Variants in RASGRF1 observed in about 807,000 individuals in gnomAD.
RASGRF1 encodes the protein ras-specific guanine nucleotide-releasing factor 1.
RASGRF1 carries 40 observed loss-of-function variants against 138.7 expected under a neutral mutation model. The observed-to-expected ratio is 0.29, with a 90% CI of 0.22 to 0.38. The LOEUF (loss-of-function observed/expected upper bound fraction) is 0.38. Ranked by LOEUF, RASGRF1 falls within the 10% of genes least tolerant of loss-of-function variation. The probability of loss-of-function intolerance (pLI) is 1.00; values close to 1 mark genes in which losing one functional copy is unlikely to be tolerated. For synonymous variants in RASGRF1, 614 were observed against 663.2 expected (o/e 0.93, Z 1.14); for missense variants, 1,108 against 1,650.4 (o/e 0.67, Z 5.69).
chr15:79,047,048 C>T lies in RASGRF1; in HGVS notation c.625-49G>A. The T allele has an allele frequency of 1.9e-6, 3 of 1,581,696 alleles. No homozygotes were observed. In the South Asian group the frequency reaches 3.3e-5, roughly 18 times the overall value. On this transcript the variant is annotated intron_variant, in intron 4 of 26. Transcript: ENST00000558480. Reference sequence around the variant, plus strand: ...GAGGCTCCTGTCAGGGAGTCTGGACCACTCCTGTCCTTCCAGGCTGTGAGC... The same window carrying T: ...GAGGCTCCTGTCAGGGAGTCTGGACTACTCCTGTCCTTCCAGGCTGTGAGC...
chr15:78,986,971 G>C (rs1417482880), intron 22 of RASGRF1, among the ~76,000 whole-genome samples: 1 of 152,182 alleles, frequency 6.6e-6, no homozygotes, highest in South Asian at 2.1e-4. Context: ...TTATATAAAA[G>C]TTATACTAAT....
chr15:79,073,304 A>C lies in RASGRF1; in HGVS notation c.277-8778T>G, dbSNP rs533173937. Among the ~76,000 whole-genome samples, 1 of 152,080 alleles carries C rather than the reference A, an allele frequency of 6.6e-6. No homozygotes were observed. The highest frequency in any genetic ancestry group is 1.5e-5 in the Non-Finnish European group (1 of 68,002). Reference sequence around the variant, plus strand: ...GCCTGATAAGCCCATGGCTCTTTCTAAGGGCAGCTGGTTCCTGTGGGGAAG... The same window carrying C: ...GCCTGATAAGCCCATGGCTCTTTCTCAGGGCAGCTGGTTCCTGTGGGGAAG... On this transcript the variant is annotated intron_variant, in intron 1 of 26. Transcript: ENST00000558480. This position sits in a 1 kb window ranked among gnomAD's most constrained non-coding sequence, Gnocchi z 4.2.
chr15:79,016,010 A>C (rs2056873902), intron 12 of RASGRF1, among the ~76,000 whole-genome samples: 1 of 152,214 alleles, frequency 6.6e-6, no homozygotes. Flanking sequence ...CTCGGCCTCC[A>C]AAAATATTCA....
Position 78,971,872 on chromosome 15 carries a change from T to C in RASGRF1, c.3675A>G (p.Gln1225=), listed in dbSNP as rs761026619. The stretch of plus-strand genomic sequence containing the variant: ...AGGAAAAGGCACAGCTTACCTTTGC[T>C]TGGTGCTCTATTTTGTAGGCAGTTT... ...FQQTAYKIEH[Q]AKVTQYLLDQ... The change falls in exon 26 of 27, where the codon CAA becomes CAG. Residue 1225 remains glutamine (Q), a synonymous_variant. Coordinates refer to ENST00000558480, the MANE Select transcript of RASGRF1 (RefSeq NM_001145648.3). The C allele has an allele frequency of 5.7e-6, 9 of 1,578,496 alleles. No homozygotes were observed. Among genetic ancestry groups the C allele is most frequent in the Non-Finnish European group, 7.8e-6 (9 of 1,147,694 alleles).
At chr15:79,053,781 T>C (rs2057467326) in intron 3 of RASGRF1, among the ~76,000 whole-genome samples, 1 of 152,246 alleles carries the variant, frequency 6.6e-6, no homozygotes, top group Admixed American at 6.5e-5. Context: ...ATGTGTGGCC[T>C]GCGCACTCGC....
intron 1 of RASGRF1, among the ~76,000 whole-genome samples, chr15:79,086,584 C>T (rs563409021): frequency 1.3e-5 from 2 of 151,780 alleles, no homozygotes; most frequent in African/African-American, 4.8e-5. Context: ...GACCCCCCCC[C>T]CCCAGCTTCT....
At position 79,090,534 on chromosome 15, in the gene RASGRF1, ATCT is replaced by A. The variant is rs777422994; in HGVS notation, c.-39_-37del. ...GGCCAGCGAGACCCCACGCGCTTAC[ATCT>A]TCTCCGCGCAGCAGCCCCCCGTCCG... On this transcript the variant is annotated 5_prime_UTR_variant, in exon 1 of 27. The change creates a new upstream start codon in the 5' untranslated region. Coordinates refer to ENST00000558480, the MANE Select transcript of RASGRF1 (RefSeq NM_001145648.3). The A allele has an allele frequency of 2.4e-5, 38 of 1,596,512 alleles. No homozygotes were observed. Among genetic ancestry groups the A allele is most frequent in the East Asian group, 4.5e-5 (2 of 44,562 alleles).
chr15:79,033,180 C>T (rs928108202), intron 6 of RASGRF1, among the ~76,000 whole-genome samples: 1 of 152,218 alleles, frequency 6.6e-6, no homozygotes, highest in Non-Finnish European at 1.5e-5. Flanking sequence ...AACCAATCTC[C>T]CCAAATCTGC....
chr15:78,998,309 C>T (rs2056440214), intron 18 of RASGRF1, 101 bp from the exon 19 acceptor site: 5 of 1,017,306 alleles, frequency 4.9e-6, no homozygotes, highest in Non-Finnish European at 7.6e-6. Flanking sequence ...TTCTATTCTG[C>T]CCAGGGCAGG....
At chr15:79,058,776 G>C (rs976971887) in intron 2 of RASGRF1, among the ~76,000 whole-genome samples, 3 of 152,234 alleles carry the variant, frequency 2.0e-5, no homozygotes, top group Non-Finnish European at 4.4e-5. Flanking sequence ...CTAGAAGAGA[G>C]AATCCTTTAG....
intron 10 of RASGRF1, among the ~76,000 whole-genome samples, chr15:79,024,923 TACAC>T (rs1190086804): frequency 6.6e-6 from 1 of 150,926 alleles, no homozygotes; most frequent in Non-Finnish European, 1.5e-5. Context: ...CATATACACA[TACAC>T]ACACACCACA....
intron 24 of RASGRF1, chr15:78,978,927 C>T: frequency 7.8e-7 from 1 of 1,274,652 alleles, no homozygotes; most frequent in Non-Finnish European, 1.0e-6. Context: ...GAGACACTTA[C>T]ACGGGCCCAC....
chr15:79,079,989 T>C (rs975587589), intron 1 of RASGRF1, among the ~76,000 whole-genome samples: 1 of 152,204 alleles, frequency 6.6e-6, no homozygotes, highest in South Asian at 2.1e-4. Flanking sequence ...CAGATGCGAC[T>C]CATGGGGGCA....
chr15:79,087,156 G>A (rs1040731846), intron 1 of RASGRF1, among the ~76,000 whole-genome samples: 1 of 152,234 alleles, frequency 6.6e-6, no homozygotes, highest in Admixed American at 6.5e-5. Flanking sequence ...TTGGTGTTTG[G>A]TGCCAGAGCG....
At chr15:78,998,935 G>A in intron 17 of RASGRF1, 110 bp from the exon 18 acceptor site, 1 of 785,606 alleles carries the variant, frequency 1.3e-6, no homozygotes, top group Non-Finnish European at 2.2e-6. Flanking sequence ...GTGAGTGAGG[G>A]GGTCATGGGC....
intron 17 of RASGRF1, among the ~76,000 whole-genome samples, chr15:78,999,395 C>T (rs2056467626): frequency 6.6e-6 from 1 of 152,054 alleles, no homozygotes; most frequent in South Asian, 2.1e-4. Context: ...CACGCTGTGC[C>T]CTAGATGTGC....
At chr15:79,014,482 C>G (rs2056846994) in intron 13 of RASGRF1, among the ~76,000 whole-genome samples, 1 of 152,158 alleles carries the variant, frequency 6.6e-6, no homozygotes, top group Admixed American at 6.5e-5. Flanking sequence ...AGTGAAATAA[C>G]TCAGGGATGG....
chr15:78,997,100 T>C (rs567029847), intron 19 of RASGRF1, among the ~76,000 whole-genome samples: 5 of 152,338 alleles, frequency 3.3e-5, no homozygotes, highest in East Asian at 1.9e-4. Flanking sequence ...TCACCCATTT[T>C]ATGGATGAGG....
intron 22 of RASGRF1, among the ~76,000 whole-genome samples, chr15:78,988,962 A>G (rs1222979052): frequency 6.7e-6 from 1 of 150,288 alleles, no homozygotes; most frequent in African/African-American, 2.4e-5. Context: ...GTTTCTTTGT[A>G]CCTAAAAATG....
Sources: allele counts gnomAD v4.1 joint callset (sites outside exome capture counted in the v4.1 genomes callset), GRCh38; gene constraint gnomAD v4.1.1; non-coding constraint Gnocchi (gnomAD v3.1); transcripts MANE v1.5; gene names NCBI Gene and HGNC (gene_info 2026-07-23, HGNC 2026-07-21).